Variants in CCDC178 observed in about 807,000 individuals in gnomAD.
CCDC178 encodes coiled-coil domain-containing protein 178.
CCDC178 carries 126 observed loss-of-function variants against 117.4 expected under a neutral mutation model. The observed-to-expected ratio is 1.07, with a 90% CI of 0.93 to 1.24. The LOEUF (loss-of-function observed/expected upper bound fraction) is 1.24, where lower values mean the gene tolerates loss of function less well. Among genes scored for constraint, CCDC178 ranks in the 50% most tolerant of loss-of-function variants. The pLI, the probability that CCDC178 is intolerant of heterozygous loss-of-function variation, is 0.00. For missense variants in CCDC178, 1,030 were observed against 986.9 expected, an observed-to-expected ratio of 1.04 and a Z score of -0.59; for synonymous variants, 283 against 313.4, an observed-to-expected ratio of 0.90 and a Z score of 1.02.
chr18:33,139,522 C>T (rs938674326), intron 20 of CCDC178, among the ~76,000 whole-genome samples: 10 of 152,142 alleles, frequency 6.6e-5, no homozygotes, highest in African/African-American at 2.4e-4. Context: ...TTGTTGGGAA[C>T]TGGAGCAAAG....
At chr18:33,018,906 G>T (rs1400195787) in intron 21 of CCDC178, among the ~76,000 whole-genome samples, 1 of 151,986 alleles carries the variant, frequency 6.6e-6, no homozygotes, top group African/African-American at 2.4e-5. Context: ...TATCAATAAG[G>T]CTGTTACAAA....
At chr18:32,974,746 C>T (rs533623752) in intron 21 of CCDC178, 65 bp from the exon 22 acceptor site, 1 of 1,502,230 alleles carries the variant, frequency 6.7e-7, no homozygotes, top group Non-Finnish European at 9.1e-7. Flanking sequence ...TGGCAGTGTT[C>T]AAGAAGAATG....
intron 22 of CCDC178, among the ~76,000 whole-genome samples, chr18:32,963,861 G>A (rs1334988650): frequency 3.3e-5 from 5 of 151,912 alleles, no homozygotes; most frequent in African/African-American, 1.2e-4. Flanking sequence ...TCATATTGTG[G>A]GAATCCCTAA....
chr18:32,995,980 G>GAC (rs1275405926), intron 21 of CCDC178, among the ~76,000 whole-genome samples: 6 of 148,920 alleles, frequency 4.0e-5, no homozygotes, highest in South Asian at 2.1e-4. Flanking sequence ...TATATATTAA[G>GAC]ACACACACAC....
chr18:33,111,426 C>A (rs1395913969), intron 20 of CCDC178, among the ~76,000 whole-genome samples: 4 of 151,544 alleles, frequency 2.6e-5, no homozygotes, highest in African/African-American at 9.7e-5. Flanking sequence ...TTTTAAATAT[C>A]GCTAAGGCTT....
intron 16 of CCDC178, among the ~76,000 whole-genome samples, chr18:33,225,250 C>T (rs558451516): frequency 9.9e-5 from 15 of 152,088 alleles, no homozygotes; most frequent in Non-Finnish European, 1.3e-4. Context: ...ACAACCTCCA[C>T]CTCCCGGGTA....
chr18:33,148,010 C>T (rs2058291960), intron 20 of CCDC178, among the ~76,000 whole-genome samples: 1 of 152,040 alleles, frequency 6.6e-6, no homozygotes, highest in South Asian at 2.1e-4. Flanking sequence ...CACCTCCCTC[C>T]CGGACGGGGC....
At chr18:32,988,583 A>T (rs1207336388) in intron 21 of CCDC178, among the ~76,000 whole-genome samples, 1 of 152,130 alleles carries the variant, frequency 6.6e-6, no homozygotes, top group Non-Finnish European at 1.5e-5. Context: ...GTAGATTAAG[A>T]GCTTTTCATC....
intron 20 of CCDC178, among the ~76,000 whole-genome samples, chr18:33,188,417 T>C (rs1054523584): frequency 2.6e-5 from 4 of 152,164 alleles, no homozygotes; most frequent in Admixed American, 2.6e-4. Flanking sequence ...GAGATTATCC[T>C]GGATTATCCA....
intron 5 of CCDC178, among the ~76,000 whole-genome samples, chr18:33,388,578 G>A (rs931781912): frequency 1.7e-4 from 19 of 114,908 alleles, no homozygotes; most frequent in African/African-American, 6.4e-4. Context: ...GGAGTGCAGT[G>A]GCGGGATCTC....
chr18:33,123,732 C>T (rs1009385896), intron 20 of CCDC178, among the ~76,000 whole-genome samples: 2 of 152,084 alleles, frequency 1.3e-5, no homozygotes, highest in South Asian at 2.1e-4. Flanking sequence ...CAAATTCTAT[C>T]AAATTTGAGA....
intron 2 of CCDC178, among the ~76,000 whole-genome samples, chr18:33,419,039 A>G (rs972781556): frequency 6.6e-6 from 1 of 152,088 alleles, no homozygotes; most frequent in African/African-American, 2.4e-5. Flanking sequence ...ACTTCAAACT[A>G]TACTACAAGG....
At chr18:33,040,759 C>T (rs990078298) in intron 21 of CCDC178, among the ~76,000 whole-genome samples, 3 of 151,830 alleles carry the variant, frequency 2.0e-5, no homozygotes, top group African/African-American at 7.3e-5. Flanking sequence ...CAAATTGTTC[C>T]CCTAGTATCA....
At chr18:33,326,440 A>G (rs1235194806) in intron 10 of CCDC178, among the ~76,000 whole-genome samples, 1 of 152,160 alleles carries the variant, frequency 6.6e-6, no homozygotes, top group Admixed American at 6.5e-5. Flanking sequence ...AGACAACACA[A>G]CACACTGTGT....
intron 21 of CCDC178, among the ~76,000 whole-genome samples, chr18:32,988,558 T>G (rs907715542): frequency 6.6e-6 from 1 of 152,138 alleles, no homozygotes; most frequent in African/African-American, 2.4e-5. Context: ...ATGCTTATAT[T>G]AGAAAAGACA....
At chr18:33,235,679 A>G (rs2059418260) in intron 15 of CCDC178, among the ~76,000 whole-genome samples, 1 of 152,100 alleles carries the variant, frequency 6.6e-6, no homozygotes, top group Non-Finnish European at 1.5e-5. Flanking sequence ...ATTCAAGCAA[A>G]AAACCCTTCG....
chr18:33,250,931 A>T (rs1211323253), intron 14 of CCDC178, among the ~76,000 whole-genome samples: 1 of 151,694 alleles, frequency 6.6e-6, no homozygotes, highest in East Asian at 1.9e-4. Flanking sequence ...TTATTTACAA[A>T]GAAATTATAT....
At chr18:33,118,802 T>C (rs1464481771) in intron 20 of CCDC178, among the ~76,000 whole-genome samples, 1 of 152,254 alleles carries the variant, frequency 6.6e-6, no homozygotes, top group African/African-American at 2.4e-5. Context: ...ACTACAAGGC[T>C]ACAGTAACCA....
chr18:33,207,388 C>T (rs1376079158), intron 20 of CCDC178, among the ~76,000 whole-genome samples: 2 of 151,628 alleles, frequency 1.3e-5, no homozygotes, highest in African/African-American at 4.8e-5. Context: ...TTTAAAAATG[C>T]AATTTGATAT....
Sources: allele counts gnomAD v4.1 joint callset (sites outside exome capture counted in the v4.1 genomes callset), GRCh38; gene constraint gnomAD v4.1.1; transcripts MANE v1.5; gene names NCBI Gene and HGNC (gene_info 2026-07-23, HGNC 2026-07-21).